The following YTHDC2 variants were observed in gnomAD, a reference collection of about 807,000 sequenced individuals.
The protein encoded by YTHDC2 is YTH N6-methyladenosine RNA binding protein C2, also known as 3'-5' RNA helicase YTHDC2.
In YTHDC2, 45 loss-of-function variants were observed where a neutral mutation model predicts 174.9. The observed-to-expected ratio is 0.26, with a 90% CI of 0.20 to 0.33. The LOEUF (loss-of-function observed/expected upper bound fraction) is 0.33, where lower values mean the gene tolerates loss of function less well. YTHDC2 is among the 10% of genes least tolerant of loss of function. The probability of loss-of-function intolerance (pLI) is 1.00; values close to 1 mark genes in which losing one functional copy is unlikely to be tolerated. For synonymous variants in YTHDC2, 657 were observed against 574.5 expected, an observed-to-expected ratio of 1.14 and a Z score of -2.05; for missense variants, 1,650 against 1,723.7, an observed-to-expected ratio of 0.96 and a Z score of 0.76.
At chr5:113,588,419 G>A (rs1282393790) in intron 26 of YTHDC2, among the ~76,000 whole-genome samples, 1 of 151,852 alleles carries the variant, frequency 6.6e-6, no homozygotes, top group Non-Finnish European at 1.5e-5. Flanking sequence ...TTGTTCATGA[G>A]GGGTATTATT....
intron 2 of YTHDC2, chr5:113,517,444 G>T: frequency 2.4e-6 from 1 of 409,880 alleles, no homozygotes; most frequent in Non-Finnish European, 4.8e-6. Flanking sequence ...TAGACTTCCT[G>T]TCCTTCTCTT....
intron 18 of YTHDC2, among the ~76,000 whole-genome samples, chr5:113,561,957 G>GGTGGGTGGGTGGGTGTGTGT (rs1347716150): frequency 3.0e-5 from 4 of 134,868 alleles, no homozygotes; most frequent in Non-Finnish European, 4.7e-5. Flanking sequence ...ATTAATTGTG[G>GGTGGGTGGGTGGGTGTGTGT]GTGTGTGTGT....
At position 113,554,031 on chromosome 5, in the gene YTHDC2, G is replaced by C; in HGVS notation, c.2133+9G>C. The C allele has an allele frequency of 6.6e-7, 1 of 1,512,060 alleles. No individual in the cohort carries two copies. The highest frequency in any genetic ancestry group is 2.3e-5 in the East Asian group (1 of 42,996). 93.7% of individuals were successfully genotyped at this position (1,512,060 alleles called of 1,614,324 possible). On this transcript the variant is annotated intron_variant, in intron 16 of 29. Coordinates refer to ENST00000161863, the MANE Select transcript of YTHDC2 (RefSeq NM_022828.5). ...CTGGTAAGGTGAAAGAGGTATGTAT[G>C]GGTAAGTTGTAGTTTTACTTAAATG...
Position 113,513,727 on chromosome 5 carries a change from G to C in YTHDC2, c.-169G>C. ...CCTGGCCGTGATATCAATGGCGCAG[G>C]CTTCACTTCTGCTGTGGCGGTGACT... On this transcript the variant is annotated 5_prime_UTR_variant, in exon 1 of 30. Coordinates refer to ENST00000161863, the MANE Select transcript of YTHDC2 (RefSeq NM_022828.5). 2 of 698,974 alleles carry C rather than the reference G, an allele frequency of 2.9e-6. No homozygotes were observed. Among genetic ancestry groups the C allele is most frequent in the Non-Finnish European group, 4.4e-6 (2 of 450,678 alleles). The allele number at this position is 698,974 out of a possible 1,614,324, so 43.3% of individuals were successfully genotyped here. A position where few individuals can be genotyped will look rare whatever the true frequency, so the allele number is the denominator to read the frequency against.
At position 113,561,473 on chromosome 5, in the gene YTHDC2, A is replaced by ATATATATATT. The variant is rs56886888; in HGVS notation, c.2322+289_2322+290insATATATATTT. On this transcript the variant is annotated intron_variant, in intron 18 of 29. Coordinates refer to ENST00000161863, the MANE Select transcript of YTHDC2 (RefSeq NM_022828.5). ...TCTATCTATCTATCTATCTATCTATATTTTTTTTTTTTTGAGTCAGAGTCT... is the reference window on the plus strand; with the variant it reads ...TCTATCTATCTATCTATCTATCTATATATATATATTTTTTTTTTTTTTTGAGTCAGAGTCT... 4.9e-3 allele frequency among the ~76,000 whole-genome samples: 677 copies of ATATATATATT among 138,514 alleles called. 3 individuals are homozygous for ATATATATATT. Among genetic ancestry groups the ATATATATATT allele is most frequent in the African/African-American group, 0.017 (621 of 37,112 alleles). 90.9% of individuals were successfully genotyped at this position (138,514 alleles called of 152,430 possible). A position where few individuals can be genotyped will look rare whatever the true frequency, so the allele number is the denominator to read the frequency against.
intron 18 of YTHDC2, 93 bp downstream of exon 18, chr5:113,561,278 A>G (rs1244316651): frequency 2.1e-6 from 2 of 937,788 alleles, no homozygotes; most frequent in African/African-American, 3.3e-5. Context: ...TAAAAAATCA[A>G]TTTGTAAAAC....
intron 16 of YTHDC2, among the ~76,000 whole-genome samples, chr5:113,555,017 T>C (rs920568927): frequency 6.6e-6 from 1 of 151,984 alleles, no homozygotes; most frequent in Non-Finnish European, 1.5e-5. Flanking sequence ...TTATAAAAAT[T>C]GGCCATATGC....
intron 18 of YTHDC2, among the ~76,000 whole-genome samples, chr5:113,561,524 A>G (rs1241684153): frequency 6.7e-6 from 1 of 148,970 alleles, no homozygotes; most frequent in Admixed American, 6.7e-5. Flanking sequence ...GCTAGAGTGC[A>G]GTGGCGCGAT....
At chr5:113,576,288 T>G (rs1778040344) in intron 23 of YTHDC2, among the ~76,000 whole-genome samples, 1 of 152,140 alleles carries the variant, frequency 6.6e-6, no homozygotes, top group Non-Finnish European at 1.5e-5. Flanking sequence ...GCAAATCTGT[T>G]TCAAGAAAGG....
Position 113,539,094 on chromosome 5 carries a change from G to T in YTHDC2, c.1123G>T (p.Val375Leu). Residue 375 changes from valine (V) to leucine (L), a missense_variant, in exon 8 of 30, where the codon GTA becomes TTA. Transcript: ENST00000161863. ...TTTAGTACAGGGAAGACCATTTGAA[G>T]TAAAAGAAATGTTTCTGGAAGATAT... ...VIYIQGRPFE[V>L]KEMFLEDILR... 1.4e-6 allele frequency: 2 copies of T among 1,418,462 alleles called. No homozygotes were observed. The highest frequency in any genetic ancestry group is 2.9e-5 in the South Asian group (2 of 68,580). The allele number at this position is 1,418,462 out of a possible 1,614,324, so 87.9% of individuals were successfully genotyped here.
intron 24 of YTHDC2, 108 bp from the exon 25 acceptor site, chr5:113,581,309 G>T (rs1778389370): frequency 9.9e-7 from 1 of 1,011,234 alleles, no homozygotes; most frequent in Non-Finnish European, 1.4e-6. Flanking sequence ...TATATGAAAT[G>T]TGAAATAAGT....
chr5:113,584,186 T>G, intron 25 of YTHDC2, 116 bp from the exon 26 acceptor site: 1 of 781,078 alleles, frequency 1.3e-6, no homozygotes, highest in South Asian at 2.9e-5. Context: ...AATCATAAGA[T>G]CATTGGGACT....
intron 5 of YTHDC2, among the ~76,000 whole-genome samples, chr5:113,533,943 G>A (rs1425909695): frequency 6.6e-6 from 1 of 152,070 alleles, no homozygotes; most frequent in Non-Finnish European, 1.5e-5. Flanking sequence ...GGAATACTCA[G>A]TATATGTAGT....
chr5:113,537,051 G>A (rs540350020), intron 7 of YTHDC2, among the ~76,000 whole-genome samples: 22 of 152,068 alleles, frequency 1.4e-4, no homozygotes, highest in Admixed American at 3.3e-4. Flanking sequence ...TAGATCCCCC[G>A]CCTCGCCCCT....
intron 6 of YTHDC2, 24 bp downstream of exon 6, chr5:113,534,431 A>C (rs370752753): frequency 5.3e-5 from 84 of 1,593,330 alleles, no homozygotes; most frequent in Non-Finnish European, 8.6e-6. Context: ...TGAATTTGTC[A>C]TATGTAACTC....
At chr5:113,576,676 CTTTATATTGCCCT>C (rs1778071022) in intron 23 of YTHDC2, among the ~76,000 whole-genome samples, 1 of 152,022 alleles carries the variant, frequency 6.6e-6, no homozygotes, top group Non-Finnish European at 1.5e-5. Context: ...CCATGCATTT[CTTTATATTGCCCT>C]TTAGTTGAGT....
chr5:113,556,931 G>A (rs747605045), intron 17 of YTHDC2, among the ~76,000 whole-genome samples: 1 of 152,174 alleles, frequency 6.6e-6, no homozygotes, highest in African/African-American at 2.4e-5. Context: ...TAGCCACACA[G>A]TGGCTTTCTG....
intron 10 of YTHDC2, among the ~76,000 whole-genome samples, chr5:113,547,839 T>G (rs1185604789): frequency 1.3e-5 from 2 of 152,178 alleles, no homozygotes; most frequent in Non-Finnish European, 2.9e-5. Context: ...TATCTTAAAT[T>G]TTACTGTTGA....
At chr5:113,549,145 T>G in intron 12 of YTHDC2, 125 bp downstream of exon 12, 2 of 763,422 alleles carry the variant, frequency 2.6e-6, no homozygotes, top group East Asian at 2.8e-5. Context: ...TTTTTTGTGA[T>G]TCTAAGGAAA....
Sources: allele counts gnomAD v4.1 joint callset (sites outside exome capture counted in the v4.1 genomes callset), GRCh38; gene constraint gnomAD v4.1.1; transcripts MANE v1.5; gene names NCBI Gene and HGNC (gene_info 2026-07-23, HGNC 2026-07-21).